Variants in PLS1 observed in about 807,000 individuals in gnomAD.
The protein encoded by PLS1 is plastin 1, also known as plastin-1.
A neutral mutation model predicts 73.7 loss-of-function variants in PLS1; 32 were observed. That is an observed-to-expected ratio of 0.43 (90% confidence interval 0.33 to 0.58). The LOEUF (loss-of-function observed/expected upper bound fraction) is 0.58. PLS1 is among the 20% of genes least tolerant of loss of function. The pLI is 0.04. For synonymous variants in PLS1, 217 were observed against 261.3 expected (o/e 0.83, Z 1.63); for missense variants, 633 against 740.5 (o/e 0.85, Z 1.68).
chr3:142,656,939 C>G (rs2107807565), intron 1 of PLS1: 1 of 152,268 alleles, frequency 6.6e-6, no homozygotes, highest in African/African-American at 2.4e-5. Context: ...CCATAAAAGT[C>G]AGATAAAAGA....
rs558390600 is a variant in PLS1 at position 142,615,418 on chromosome 3, A to G, written c.-37+18909A>G. Among the ~76,000 whole-genome samples the G allele has an allele frequency of 1.3e-3, 205 of 152,128 alleles. 1 individual carries two copies. The highest frequency in any genetic ancestry group is 2.3e-3 in the Non-Finnish European group (157 of 68,020). ...GTCACAGACTTTGGAATTCCTAGTT[A>G]TATTCCCGATCATTCCACAATCATG... On this transcript the variant is annotated intron_variant, in intron 1 of 15. Transcript: ENST00000457734.
At chr3:142,656,617 C>T (rs1026610435) in intron 1 of PLS1, 1 of 152,190 alleles carries the variant, frequency 6.6e-6, no homozygotes, top group Admixed American at 6.5e-5. Context: ...AAGGAGATTG[C>T]TAGACATATA....
chr3:142,662,531 G>A (rs1377214107), intron 1 of PLS1, among the ~76,000 whole-genome samples: 1 of 152,144 alleles, frequency 6.6e-6, no homozygotes, highest in Non-Finnish European at 1.5e-5. Flanking sequence ...AAACCTGCAT[G>A]TTCTCTGCAC....
At chr3:142,627,676 G>C (rs913378583) in intron 1 of PLS1, 1 of 152,414 alleles carries the variant, frequency 6.6e-6, no homozygotes, top group Non-Finnish European at 1.5e-5. Context: ...TGTCACCCAG[G>C]CTGGAGTGCA....
chr3:142,689,933 G>T, intron 10 of PLS1, 120 bp downstream of exon 10: 1 of 536,210 alleles, frequency 1.9e-6, no homozygotes, highest in East Asian at 3.2e-5. Context: ...GTAGGTATGT[G>T]TATCTATTGA....
intron 1 of PLS1, among the ~76,000 whole-genome samples, chr3:142,659,608 T>C (rs535682656): frequency 6.6e-6 from 1 of 152,174 alleles, no homozygotes; most frequent in East Asian, 1.9e-4. Context: ...AGTAAGCCTC[T>C]TCCTAGTCTG....
chr3:142,652,720 G>T (rs1028887708), intron 1 of PLS1, among the ~76,000 whole-genome samples: 1 of 152,190 alleles, frequency 6.6e-6, no homozygotes, highest in African/African-American at 2.4e-5. Context: ...GTTAGCCATG[G>T]ATAATGGGGA....
intron 1 of PLS1, among the ~76,000 whole-genome samples, chr3:142,620,374 G>A (rs753569468): frequency 2.6e-5 from 4 of 152,104 alleles, no homozygotes; most frequent in African/African-American, 4.8e-5. Context: ...TTATCCACCC[G>A]TCTCAGCCTC....
intron 9 of PLS1, among the ~76,000 whole-genome samples, chr3:142,689,185 G>A (rs13099848): frequency 6.6e-6 from 1 of 151,724 alleles, no homozygotes; most frequent in Admixed American, 6.6e-5. Flanking sequence ...TATAATCCCA[G>A]CACTTTGGGA....
chr3:142,596,799 A>G (rs1400598981), intron 1 of PLS1, among the ~76,000 whole-genome samples: 1 of 152,210 alleles, frequency 6.6e-6, no homozygotes, highest in Non-Finnish European at 1.5e-5. Context: ...TATTTCATTA[A>G]GTTTTCTTCT....
In PLS1 at chr3:142,676,218, T is replaced by A; in HGVS notation, c.426T>A (p.Cys142Ter). ...INKALENDPD[C>*]KHLIPMNPND... ...AAGCCCTGGAGAATGACCCTGACTG[T>A]AAGCATCTTATACCCATGAATCCCA... The change falls in exon 5 of 16, where the codon TGT (cysteine) becomes TGA (stop). Residue 142 changes from cysteine (C) to a stop codon, truncating the protein, a stop_gained. Coordinates refer to ENST00000457734, the MANE Select transcript of PLS1 (RefSeq NM_001145319.2). LOFTEE classifies it high-confidence loss of function. The A allele has an allele frequency of 6.2e-7, 1 of 1,613,064 alleles. No homozygotes were observed. The highest frequency in any genetic ancestry group is 8.5e-7 in the Non-Finnish European group (1 of 1,179,016).
chr3:142,643,920 G>A (rs945562777), intron 1 of PLS1, among the ~76,000 whole-genome samples: 3 of 147,006 alleles, frequency 2.0e-5, no homozygotes, highest in Non-Finnish European at 3.0e-5. Flanking sequence ...ACCTCCACCT[G>A]CTGGGTTCAA....
chr3:142,642,591 T>A (rs1400794314), intron 1 of PLS1, among the ~76,000 whole-genome samples: 1 of 152,220 alleles, frequency 6.6e-6, no homozygotes. Flanking sequence ...CTGTGCCCCA[T>A]ATGGCAGGGT....
intron 11 of PLS1, among the ~76,000 whole-genome samples, chr3:142,696,849 TCA>T (rs2038220544): frequency 6.6e-6 from 1 of 151,556 alleles, no homozygotes; most frequent in African/African-American, 2.4e-5. Flanking sequence ...TAGAAATACT[TCA>T]GTGATTTTTT....
intron 1 of PLS1, among the ~76,000 whole-genome samples, chr3:142,609,988 C>T (rs1218441932): frequency 6.6e-6 from 1 of 152,146 alleles, no homozygotes; most frequent in East Asian, 1.9e-4. Context: ...CCTGCCTCAG[C>T]CTCGCGAGTA....
chr3:142,597,805 A>G (rs1263528224), intron 1 of PLS1, among the ~76,000 whole-genome samples: 2 of 152,140 alleles, frequency 1.3e-5, no homozygotes, highest in Non-Finnish European at 2.9e-5. Context: ...CTTTACCTCC[A>G]TTATTAAACT....
In PLS1 at chr3:142,668,623, A is replaced by G. The variant is rs1459167431; in HGVS notation, c.71-767A>G. Among the ~76,000 whole-genome samples, 3 of 144,996 alleles carry G rather than the reference A, an allele frequency of 2.1e-5. No individual in the cohort carries two copies. The East Asian group carries it at 6.1e-4, about 29-fold the overall frequency. On this transcript the variant is annotated intron_variant, in intron 2 of 15. Transcript: ENST00000457734. ...GCTTATTCCTTTTTTTTTTTTTGAG[A>G]TGGAGTCTCGCTTTGTTGCCCAGGG...
chr3:142,635,961 C>T (rs936578130), intron 1 of PLS1, among the ~76,000 whole-genome samples: 2 of 152,144 alleles, frequency 1.3e-5, no homozygotes, highest in Non-Finnish European at 2.9e-5. Flanking sequence ...ATCATCATAG[C>T]TCACTGCAGC....
At chr3:142,613,727 C>T (rs1463578132) in intron 1 of PLS1, among the ~76,000 whole-genome samples, 1 of 152,068 alleles carries the variant, frequency 6.6e-6, no homozygotes, top group African/African-American at 2.4e-5. Context: ...TATCTTCAAC[C>T]AGCTCATTGT....
Sources: gnomAD v4.1 joint callset for allele counts (sites outside exome capture counted in the v4.1 genomes callset) on GRCh38, gnomAD v4.1.1 for gene constraint, MANE v1.5 for transcripts, NCBI Gene and HGNC (gene_info 2026-07-23, HGNC 2026-07-21) for gene names.